CTSL: variants seen among roughly 807,000 people sequenced by gnomAD.
The protein encoded by CTSL is procathepsin L.
In CTSL, 23 loss-of-function variants were observed where a neutral mutation model predicts 34.7. That is an observed-to-expected ratio of 0.66 (90% CI 0.48 to 0.94). The LOEUF (loss-of-function observed/expected upper bound fraction) is 0.94, where lower values mean the gene tolerates loss of function less well. CTSL is among the 40% of genes least tolerant of loss of function. The pLI, the probability that CTSL is intolerant of heterozygous loss-of-function variation, is 0.00. For synonymous variants in CTSL, 129 were observed against 136.7 expected, an observed-to-expected ratio of 0.94 and a Z score of 0.39; for missense variants, 361 against 406.3, an observed-to-expected ratio of 0.89 and a Z score of 0.96.
At position 87,729,642 on chromosome 9, in the gene CTSL, C is replaced by G; in HGVS notation, c.691C>G (p.Gln231Glu). 6.2e-7 allele frequency: 1 copy of G among 1,614,104 alleles called. No individual in the cohort carries two copies. The highest frequency in any genetic ancestry group is 8.5e-7 in the Non-Finnish European group (1 of 1,180,000). ...NDTGFVDIPKQEKALMKAVAT... is the reference protein window; with the variant it reads ...NDTGFVDIPKEEKALMKAVAT... ...CACCGGCTTTGTGGACATCCCTAAG[C>G]AGGAGAAGGCCCTGATGAAGGCAGT... The change falls in exon 6 of 8, where the codon CAG becomes GAG. Residue 231 changes from glutamine (Q) to glutamate (E), a missense_variant. Gln to Glu is a conservative substitution (Grantham distance 29). Transcript: ENST00000343150.
In CTSL at chr9:87,731,149, G is replaced by A. The variant is rs759796746; in HGVS notation, c.*42G>A. ...GAGGAAGGACTTGACTGGGGATGGC[G>A]CATGCATGGGAGGAATTCATCTTCA... On this transcript the variant is annotated 3_prime_UTR_variant, in exon 8 of 8. Transcript: ENST00000343150. 5.4e-6 allele frequency: 8 copies of A among 1,471,466 alleles called. No homozygotes were observed. Among genetic ancestry groups the A allele is most frequent in the East Asian group, 2.3e-5 (1 of 43,934 alleles). 91.2% of individuals were successfully genotyped at this position (1,471,466 alleles called of 1,614,324 possible).
Position 87,728,726 on chromosome 9 carries a change from G to C in CTSL, c.538G>C (p.Gly180Arg). The part of the protein sequence containing the change: ...SGPQGNEGCN[G>R]GLMDYAFQYV... ...GCCTCAAGGCAATGAAGGCTGCAAT[G>C]GTGGCCTAATGGATTATGCTTTCCA... The change falls in exon 5 of 8, where the codon GGT becomes CGT. Residue 180 changes from glycine to arginine, a missense_variant. Transcript: ENST00000343150. The C allele has an allele frequency of 1.2e-6, 2 of 1,614,116 alleles. No individual in the cohort carries two copies. Among genetic ancestry groups the C allele is most frequent in the Non-Finnish European group, 1.7e-6 (2 of 1,180,036 alleles).
At chr9:87,729,981 T>C (rs1053975574) in intron 6 of CTSL, among the ~76,000 whole-genome samples, 5 of 152,226 alleles carry the variant, frequency 3.3e-5, no homozygotes, top group African/African-American at 1.2e-4. Context: ...TGTAGTTTAA[T>C]ATACTTAAAA....
chr9:87,728,665 C>G lies in CTSL; in HGVS notation c.477C>G (p.Ile159Met), dbSNP rs1214062706. 7 of 1,613,898 alleles carry G rather than the reference C, an allele frequency of 4.3e-6. No individual in the cohort carries two copies. The highest frequency in any genetic ancestry group is 1.7e-6 in the Non-Finnish European group (2 of 1,180,034). The change falls in exon 5 of 8, where the codon ATC becomes ATG. Residue 159 changes from isoleucine to methionine, a missense_variant. Ile to Met is a conservative substitution (Grantham distance 10, BLOSUM62 1). Coordinates refer to ENST00000343150, the MANE Select transcript of CTSL (RefSeq NM_001912.5). ...GQMFRKTGRL[I>M]SLSEQNLVDC... ...TGTTCCGGAAAACTGGGAGGCTTATCTCACTGAGTGAGCAGAATCTGGTAG... is the reference window on the plus strand; with the variant it reads ...TGTTCCGGAAAACTGGGAGGCTTATGTCACTGAGTGAGCAGAATCTGGTAG...
Position 87,728,384 on chromosome 9 carries a change from T to C in CTSL, c.384T>C (p.Pro128=), listed in dbSNP as rs1260420996. 6.2e-7 allele frequency: 1 copy of C among 1,613,818 alleles called. No homozygotes were observed. The highest frequency in any genetic ancestry group is 1.1e-5 in the South Asian group (1 of 90,988). Reference sequence around the variant, plus strand: ...GGAGAGAGAAAGGCTACGTGACTCCTGTGAAGAATCAGGTGAGACAGTGTC... The same window carrying C: ...GGAGAGAGAAAGGCTACGTGACTCCCGTGAAGAATCAGGTGAGACAGTGTC... ...VDWREKGYVT[P]VKNQGQCGSC... The change falls in exon 4 of 8, where the codon CCT becomes CCC. Residue 128 remains proline, a synonymous_variant. Coordinates refer to ENST00000343150, the MANE Select transcript of CTSL (RefSeq NM_001912.5).
At chr9:87,728,894 C>T in intron 5 of CTSL, 85 bp downstream of exon 5, 3 of 1,584,358 alleles carry the variant, frequency 1.9e-6, no homozygotes, top group Non-Finnish European at 2.6e-6. Context: ...TTTCGGAATT[C>T]ATATATTAGG....
In CTSL at chr9:87,728,360, G is replaced by C; in HGVS notation, c.360G>C (p.Trp120Cys). The change falls in exon 4 of 8, where the codon TGG becomes TGC. Residue 120 changes from tryptophan (W) to cysteine (C), a missense_variant. By Grantham distance (215) the Trp-to-Cys change is radical. Transcript: ENST00000343150. ...ATGAGGCCCCCAGATCTGTGGATTG[G>C]AGAGAGAAAGGCTACGTGACTCCTG... Reference protein sequence around the residue: ...LFYEAPRSVDWREKGYVTPVK... With the variant: ...LFYEAPRSVDCREKGYVTPVK... 1 of 1,614,182 alleles carries C rather than the reference G, an allele frequency of 6.2e-7. No individual in the cohort carries two copies. The highest frequency in any genetic ancestry group is 8.5e-7 in the Non-Finnish European group (1 of 1,180,040).
chr9:87,729,614 T>G lies in CTSL; in HGVS notation c.663T>G (p.Asn221Lys). ...CKYNPKYSVA[N>K]DTGFVDIPKQ... Reference sequence around the variant, plus strand: ...ACAATCCCAAGTATTCTGTTGCTAATGACACCGGCTTTGTGGACATCCCTA... The same window carrying G: ...ACAATCCCAAGTATTCTGTTGCTAAGGACACCGGCTTTGTGGACATCCCTA... The change falls in exon 6 of 8, where the codon AAT (asparagine) becomes AAG (lysine). Residue 221 changes from asparagine (N) to lysine (K), a missense_variant. Physicochemically the swap from Asn to Lys is moderately conservative, Grantham distance 94. Coordinates refer to ENST00000343150, the MANE Select transcript of CTSL (RefSeq NM_001912.5). 2 of 1,614,192 alleles carry G rather than the reference T, an allele frequency of 1.2e-6. No individual in the cohort carries two copies. Among genetic ancestry groups the G allele is most frequent in the Non-Finnish European group, 1.7e-6 (2 of 1,180,026 alleles).
chr9:87,728,538 A>AT (rs1223014686), intron 4 of CTSL, 47 bp from the exon 5 acceptor site: 2 of 1,586,196 alleles, frequency 1.3e-6, no homozygotes, highest in East Asian at 4.5e-5. Context: ...TCAAAGTCTT[A>AT]TTATTTTTTT....
chr9:87,727,456 C>T (rs998434763), intron 1 of CTSL, 138 bp from the exon 2 acceptor site: 14 of 925,836 alleles, frequency 1.5e-5, no homozygotes, highest in Non-Finnish European at 2.1e-5. Context: ...TTGGCCTCTT[C>T]CACAGTCCTT....
At position 87,728,072 on chromosome 9, in the gene CTSL, A is replaced by C. The variant is rs762281218; in HGVS notation, c.172A>C (p.Met58Leu). ...AGCAGTGTGGGAGAAGAACATGAAG[A>C]TGATTGAACTGCACAATCAGGAATA... ...RRAVWEKNMKMIELHNQEYRE... is the reference protein window; with the variant it reads ...RRAVWEKNMKLIELHNQEYRE... Residue 58 changes from methionine to leucine, a missense_variant, in exon 3 of 8, where the codon ATG becomes CTG. Met to Leu is a conservative substitution (Grantham distance 15). Transcript: ENST00000343150. The C allele has an allele frequency of 6.2e-7, 1 of 1,613,994 alleles. No individual in the cohort carries two copies. Among genetic ancestry groups the C allele is most frequent in the Non-Finnish European group, 8.5e-7 (1 of 1,179,890 alleles).
At chr9:87,727,806 C>G in intron 2 of CTSL, 77 bp downstream of exon 2, 1 of 1,552,512 alleles carries the variant, frequency 6.4e-7, no homozygotes, top group Non-Finnish European at 8.8e-7. Flanking sequence ...TAGAGGCCAG[C>G]TTTTACCAAT....
chr9:87,729,053 G>T (rs1826153224), intron 5 of CTSL: 1 of 1,087,194 alleles, frequency 9.2e-7, no homozygotes, highest in Admixed American at 2.9e-5. Context: ...GCCGGCTGTG[G>T]TGGTGTGCGT....
intron 5 of CTSL, chr9:87,729,043 G>A: frequency 1.7e-6 from 2 of 1,180,252 alleles, no homozygotes; most frequent in South Asian, 3.5e-5. Flanking sequence ...ACGAAAATTA[G>A]CCGGCTGTGG....
intron 2 of CTSL, 99 bp downstream of exon 2, chr9:87,727,828 A>G: frequency 2.7e-6 from 4 of 1,480,070 alleles, no homozygotes; most frequent in Non-Finnish European, 3.7e-6. Flanking sequence ...GCCTAATGTA[A>G]TAACCTAATG....
intron 2 of CTSL, 148 bp from the exon 3 acceptor site, chr9:87,727,879 T>C: frequency 7.1e-7 from 1 of 1,399,604 alleles, no homozygotes. Flanking sequence ...ATCCTTGTTG[T>C]GTCTCAGTTT....
chr9:87,730,392 G>A lies in CTSL; in HGVS notation c.796G>A (p.Glu266Lys), dbSNP rs1310479509. The change falls in exon 7 of 8, where the codon GAG becomes AAG. Residue 266 changes from glutamate (E) to lysine (K), a missense_variant. Coordinates refer to ENST00000343150, the MANE Select transcript of CTSL (RefSeq NM_001912.5). Reference protein sequence around the residue: ...FLFYKEGIYFEPDCSSEDMDH... With the variant: ...FLFYKEGIYFKPDCSSEDMDH... ...TTTTACCATCCCAGGCATTTATTTT[G>A]AGCCAGACTGTAGCAGTGAAGACAT... 6.2e-7 allele frequency: 1 copy of A among 1,609,864 alleles called. No homozygotes were observed. Among genetic ancestry groups the A allele is most frequent in the Non-Finnish European group, 8.5e-7 (1 of 1,178,452 alleles).
At position 87,731,041 on chromosome 9, in the gene CTSL, A is replaced by G. The variant is rs142361476; in HGVS notation, c.936A>G (p.Val312=). The G allele has an allele frequency of 6.0e-5, 97 of 1,614,070 alleles. No homozygotes were observed. In the African/African-American group the frequency reaches 1.1e-3, roughly 19 times the overall value. Residue 312 remains valine, a synonymous_variant, in exon 8 of 8, where the codon GTA becomes GTG. Transcript: ENST00000343150. ...WGEEWGMGGY[V]KMAKDRRNHC... ...AAGAATGGGGCATGGGTGGCTACGT[A>G]AAGATGGCCAAAGACCGGAGAAACC...
chr9:87,727,978 T>C (rs755907969), intron 2 of CTSL, 49 bp from the exon 3 acceptor site: 19 of 1,607,430 alleles, frequency 1.2e-5, no homozygotes, highest in East Asian at 2.2e-5. Context: ...TGAGGATGAG[T>C]TGGGTTTTAG....
Sources: allele counts gnomAD v4.1 joint callset (sites outside exome capture counted in the v4.1 genomes callset), GRCh38; gene constraint gnomAD v4.1.1; transcripts MANE v1.5; gene names NCBI Gene and HGNC (gene_info 2026-07-23, HGNC 2026-07-21).